The following IGDCC3 variants were observed in gnomAD, a reference collection of about 807,000 sequenced individuals.
The protein encoded by IGDCC3 is immunoglobulin superfamily DCC subclass member 3.
IGDCC3 carries 47 observed loss-of-function variants against 72.0 expected under a neutral mutation model. The observed-to-expected ratio is 0.65, with a 90% CI of 0.52 to 0.83. IGDCC3 has a LOEUF of 0.83. IGDCC3 is among the 40% of genes least tolerant of loss of function. The pLI is 0.00. For synonymous variants in IGDCC3, 477 were observed against 472.8 expected (o/e 1.01, Z -0.11); for missense variants, 1,038 against 1,091.3 (o/e 0.95, Z 0.69).
At chr15:65,340,344 A>C (rs990210899) in intron 2 of IGDCC3, among the ~76,000 whole-genome samples, 2 of 152,026 alleles carry the variant, frequency 1.3e-5, no homozygotes, top group African/African-American at 4.8e-5. Context: ...CAGGCCCCCC[A>C]CCCTTTGGCC....
chr15:65,330,727 G>C lies in IGDCC3; in HGVS notation c.1576C>G (p.Pro526Ala). The change falls in exon 10 of 14, where the codon CCA (proline) becomes GCA (alanine). Residue 526 changes from proline (P) to alanine (A), a missense_variant. Pro to Ala is a conservative substitution (Grantham distance 27, BLOSUM62 -1). Transcript: ENST00000327987. The stretch of plus-strand genomic sequence containing the variant: ...CTGCCCAGGACTCGCACTGACAGTG[G>C]GGGTGGGGCAGGGGCTGCAGGTAGA... ...STLGEAPAPPPLSVRVLGSSS... is the reference protein window; with the variant it reads ...STLGEAPAPPALSVRVLGSSS... 6.2e-7 allele frequency: 1 copy of C among 1,608,560 alleles called. No homozygotes were observed. The highest frequency in any genetic ancestry group is 1.1e-5 in the South Asian group (1 of 90,796).
rs899212850 is a variant in IGDCC3 at position 65,367,098 on chromosome 15, C to A, written c.409+7999G>T. ...GTGGCTCACGCCTGTAATCCCAGCA[C>A]TTTGGGAGGCCGAGGTAGGTGGATC... On this transcript the variant is annotated intron_variant, in intron 2 of 13. Coordinates refer to ENST00000327987, the MANE Select transcript of IGDCC3 (RefSeq NM_004884.4). Among the ~76,000 whole-genome samples, 10 of 152,270 alleles carry A rather than the reference C, an allele frequency of 6.6e-5. No individual in the cohort carries two copies. In the South Asian group the frequency reaches 1.9e-3, roughly 28 times the overall value.
In IGDCC3 at chr15:65,332,054, G is replaced by C; in HGVS notation, c.1035C>G (p.Thr345=). 6.2e-7 allele frequency: 1 copy of C among 1,614,166 alleles called. No individual in the cohort carries two copies. The highest frequency in any genetic ancestry group is 1.1e-5 in the South Asian group (1 of 91,080). The change falls in exon 7 of 14, where the codon ACC becomes ACG. Residue 345 remains threonine, a synonymous_variant. Transcript: ENST00000327987. ...HPQSISRPAG[T]TAMFTCQAQG... ...GGGCTTGGCAGGTGAACATGGCTGTGGTCCCAGCTGGCCTGGAGATGGACT... is the reference window on the plus strand; with the variant it reads ...GGGCTTGGCAGGTGAACATGGCTGTCGTCCCAGCTGGCCTGGAGATGGACT...
chr15:65,376,913 G>A lies in IGDCC3; in HGVS notation c.103+773C>T, dbSNP rs149452301. ...AGATGGGACCATTGCAGCCACTAAAGGGAACAGAGTGGTGGTGACCGAGCT... is the reference window on the plus strand; with the variant it reads ...AGATGGGACCATTGCAGCCACTAAAAGGAACAGAGTGGTGGTGACCGAGCT... On this transcript the variant is annotated intron_variant, in intron 1 of 13. Coordinates refer to ENST00000327987, the MANE Select transcript of IGDCC3 (RefSeq NM_004884.4). 7.2e-3 allele frequency among the ~76,000 whole-genome samples: 1,095 copies of A among 152,298 alleles called. 18 individuals are homozygous for A. Among genetic ancestry groups the A allele is most frequent in the African/African-American group, 0.025 (1,036 of 41,552 alleles).
At chr15:65,333,031 C>T (rs568408384) in intron 6 of IGDCC3, among the ~76,000 whole-genome samples, 4 of 152,142 alleles carry the variant, frequency 2.6e-5, no homozygotes, top group East Asian at 3.9e-4. Context: ...CCGGAGGGCA[C>T]GCAGAGGCCG....
intron 2 of IGDCC3, among the ~76,000 whole-genome samples, chr15:65,366,514 G>A (rs930162262): frequency 1.3e-5 from 2 of 152,134 alleles, no homozygotes; most frequent in African/African-American, 4.8e-5. Context: ...TATGAAATGT[G>A]GCCTCACAGG....
intron 2 of IGDCC3, chr15:65,355,935 C>T (rs2091217066): frequency 1.0e-5 from 3 of 297,278 alleles, no homozygotes; most frequent in East Asian, 1.4e-4. Context: ...ACTGAGGAAG[C>T]GGTGCCTGTC....
At chr15:65,374,698 A>C (rs79464534) in intron 2 of IGDCC3, among the ~76,000 whole-genome samples, 1,955 of 152,342 alleles carry the variant, frequency 0.013, 52 homozygotes, top group African/African-American at 0.045. Context: ...TGTAGCCGAA[A>C]TTACCCTTCA....
intron 4 of IGDCC3, 29 bp downstream of exon 4, chr15:65,335,262 G>C (rs747077752): frequency 1.1e-5 from 17 of 1,588,910 alleles, no homozygotes; most frequent in Non-Finnish European, 1.4e-5. Context: ...AGGTGGGGAG[G>C]TTGGGGGAAA....
intron 2 of IGDCC3, among the ~76,000 whole-genome samples, chr15:65,372,131 C>T (rs890787058): frequency 1.3e-5 from 2 of 152,176 alleles, no homozygotes; most frequent in African/African-American, 4.8e-5. Flanking sequence ...AGTGAAACCA[C>T]CTTTCAATGA....
chr15:65,340,343 C>A (rs1056831875), intron 2 of IGDCC3, among the ~76,000 whole-genome samples: 3 of 152,134 alleles, frequency 2.0e-5, no homozygotes, highest in African/African-American at 4.8e-5. Context: ...TCAGGCCCCC[C>A]ACCCTTTGGC....
chr15:65,370,536 A>T lies in IGDCC3; in HGVS notation c.409+4561T>A, dbSNP rs28702872. 6.8e-5 allele frequency among the ~76,000 whole-genome samples: 8 copies of T among 118,012 alleles called. No homozygotes were observed. The East Asian group carries it at 1.0e-3, about 15-fold the overall frequency. The allele number at this position is 118,012 out of a possible 152,430, so 77.4% of individuals were successfully genotyped here. ...AAAAAATATATATATATATATATAT[A>T]TTTATATATATATGTGTGTGTGTAT... is the stretch of plus-strand genomic sequence containing the variant. On this transcript the variant is annotated intron_variant, in intron 2 of 13. Transcript: ENST00000327987.
chr15:65,369,011 C>G (rs1011424029), intron 2 of IGDCC3, among the ~76,000 whole-genome samples: 4 of 152,134 alleles, frequency 2.6e-5, no homozygotes, highest in African/African-American at 9.7e-5. Flanking sequence ...AGCTTAAAAT[C>G]TAGTTGAGGA....
chr15:65,347,673 G>A (rs560147404), intron 2 of IGDCC3, among the ~76,000 whole-genome samples: 73 of 152,320 alleles, frequency 4.8e-4, no homozygotes, highest in African/African-American at 1.5e-3. Context: ...GCTCACGCCT[G>A]TAATCCCAGC....
chr15:65,329,966 C>G lies in IGDCC3; in HGVS notation c.1859-102G>C. The G allele has an allele frequency of 1.6e-6, 2 of 1,282,354 alleles. No homozygotes were observed. The highest frequency in any genetic ancestry group is 2.2e-6 in the Non-Finnish European group (2 of 901,320). The allele number at this position is 1,282,354 out of a possible 1,614,324, so 79.4% of individuals were successfully genotyped here. On this transcript the variant is annotated intron_variant, in intron 11 of 13. Coordinates refer to ENST00000327987, the MANE Select transcript of IGDCC3 (RefSeq NM_004884.4). This position sits in a 1 kb window ranked among gnomAD's most constrained non-coding sequence, Gnocchi z 4.1. ...CTCTTCCTTCAGCTGCTCCCACTCC[C>G]AAGTGGGAGTGGGAACATCCTTTGA...
In IGDCC3 at chr15:65,329,181, T is replaced by C. The variant is rs1391494507; in HGVS notation, c.2206-33A>G. 6.3e-7 allele frequency: 1 copy of C among 1,580,288 alleles called. No homozygotes were observed. Among genetic ancestry groups the C allele is most frequent in the Non-Finnish European group, 8.6e-7 (1 of 1,165,252 alleles). On this transcript the variant is annotated intron_variant, in intron 13 of 13. Transcript: ENST00000327987. This position sits in a 1 kb window ranked among gnomAD's most constrained non-coding sequence, Gnocchi z 4.1. Reference sequence around the variant, plus strand: ...AAGAGCCCGTCACACAGGCGTCAGCTTGAGGGCCAGGGCGCCAGGCTCCAA... The same window carrying C: ...AAGAGCCCGTCACACAGGCGTCAGCCTGAGGGCCAGGGCGCCAGGCTCCAA...
At chr15:65,352,139 T>C (rs2091178648) in intron 2 of IGDCC3, among the ~76,000 whole-genome samples, 1 of 152,362 alleles carries the variant, frequency 6.6e-6, no homozygotes, top group Admixed American at 6.5e-5. Context: ...AGTAATCTTT[T>C]TAATTTTGCT....
rs962746583 is a variant in IGDCC3, at chr15:65,352,430, T to C, written c.410-16474A>G. Reference sequence around the variant, plus strand: ...TTTGACTGGAATGATGTGCTTTCCTTTAAGGAATCAAACTTGACTTGTAGA... The same window carrying C: ...TTTGACTGGAATGATGTGCTTTCCTCTAAGGAATCAAACTTGACTTGTAGA... On this transcript the variant is annotated intron_variant, in intron 2 of 13. Coordinates refer to ENST00000327987, the MANE Select transcript of IGDCC3 (RefSeq NM_004884.4). 2.0e-5 allele frequency among the ~76,000 whole-genome samples: 3 copies of C among 152,230 alleles called. No individual in the cohort carries two copies. In the South Asian group the frequency reaches 6.2e-4, roughly 31 times the overall value.
Position 65,335,304 on chromosome 15 carries a change from CCTGGCCCCGTGGCTGATCCGGATA to C in IGDCC3, c.648_671del (p.Ser216_Ala223del), listed in dbSNP as rs1567061990. The C allele has an allele frequency of 6.2e-7, 1 of 1,611,256 alleles. No homozygotes were observed. On this transcript the variant is annotated inframe_deletion, in exon 4 of 14. Coordinates refer to ENST00000327987, the MANE Select transcript of IGDCC3 (RefSeq NM_004884.4). ...AAGGACCCTCACCTGACACAGTGAGCCTGGCCCCGTGGCTGATCCGGATACTGGCGATGTTTGAGGCCACACAGT... is the reference window on the plus strand; with the variant it reads ...AAGGACCCTCACCTGACACAGTGAGCCTGGCGATGTTTGAGGCCACACAGT...
Sources: gnomAD v4.1 joint callset for allele counts (sites outside exome capture counted in the v4.1 genomes callset) on GRCh38, gnomAD v4.1.1 for gene constraint, Gnocchi (gnomAD v3.1) non-coding constraint, MANE v1.5 for transcripts, NCBI Gene and HGNC (gene_info 2026-07-23, HGNC 2026-07-21) for gene names.